Variants in SH2D3C observed in about 807,000 individuals in gnomAD.
SH2D3C encodes SH2 domain-containing protein 3C.
SH2D3C carries 25 observed loss-of-function variants against 75.2 expected under a neutral mutation model. The observed-to-expected ratio is 0.33, with a 90% CI of 0.24 to 0.46. The LOEUF is 0.46. Among genes scored for constraint, SH2D3C ranks in the 20% least tolerant of loss-of-function variants. The pLI, the probability that SH2D3C is intolerant of heterozygous loss-of-function variation, is 1.00. For synonymous variants in SH2D3C, 450 were observed against 473.7 expected (o/e 0.95, Z 0.65); for missense variants, 933 against 1,165.3 (o/e 0.80, Z 2.90).
At chr9:127,760,083 G>A (rs988881277) in intron 3 of SH2D3C, among the ~76,000 whole-genome samples, 1 of 151,786 alleles carries the variant, frequency 6.6e-6, no homozygotes, top group African/African-American at 2.4e-5. Flanking sequence ...TTGAGCCCAT[G>A]AGCTCAAGGC....
chr9:127,744,929 A>C lies in SH2D3C; in HGVS notation c.1435T>G (p.Ser479Ala), dbSNP rs1028428206. The C allele has an allele frequency of 6.9e-6, 11 of 1,595,244 alleles. No individual in the cohort carries two copies. The highest frequency in any genetic ancestry group is 9.4e-6 in the Non-Finnish European group (11 of 1,168,748). ...TAGCTGCTGAGTGATGGTGACGGGG[A>C]GGCCTTGCCAAGGGTGTGGGAGGGG... is the stretch of plus-strand genomic sequence containing the variant. ...TSPSHTLGKA[S>A]PSPSLSSYSD... Residue 479 changes from serine (S) to alanine (A), a missense_variant, in exon 7 of 12, where the codon TCC (serine) becomes GCC (alanine). Transcript: ENST00000314830.
At chr9:127,771,085 C>T in intron 2 of SH2D3C, 1 of 936,656 alleles carries the variant, frequency 1.1e-6, no homozygotes, top group Non-Finnish European at 1.6e-6. Context: ...CTGATGCTAA[C>T]CCCGCCCCCA....
chr9:127,778,657 G>A lies in SH2D3C; in HGVS notation c.-30C>T. The A allele has an allele frequency of 6.2e-7, 1 of 1,604,950 alleles. No individual in the cohort carries two copies. The highest frequency in any genetic ancestry group is 8.5e-7 in the Non-Finnish European group (1 of 1,171,696). On this transcript the variant is annotated 5_prime_UTR_variant, in exon 1 of 12. Coordinates refer to ENST00000314830, the MANE Select transcript of SH2D3C (RefSeq NM_170600.3). Reference sequence around the variant, plus strand: ...GCAAATTGTGTGAAGCCCTTGGCCAGCTTGCGAGTGGCCACTCAAGGCTCG... The same window carrying A: ...GCAAATTGTGTGAAGCCCTTGGCCAACTTGCGAGTGGCCACTCAAGGCTCG...
At chr9:127,764,346 G>T (rs1226199180) in intron 2 of SH2D3C, among the ~76,000 whole-genome samples, 1 of 152,132 alleles carries the variant, frequency 6.6e-6, no homozygotes, top group African/African-American at 2.4e-5. Flanking sequence ...ACAATCCGCT[G>T]CCATCACTTG....
At chr9:127,775,595 C>A (rs1718741821) in intron 1 of SH2D3C, among the ~76,000 whole-genome samples, 1 of 151,776 alleles carries the variant, frequency 6.6e-6, no homozygotes, top group South Asian at 2.1e-4. Flanking sequence ...CCATTGCACT[C>A]CAGCCTGGGT....
chr9:127,749,558 G>A lies in SH2D3C; in HGVS notation c.792C>T (p.His264=), dbSNP rs555692725. 19 of 1,613,218 alleles carry A rather than the reference G, an allele frequency of 1.2e-5. No homozygotes were observed. In the South Asian group the frequency reaches 1.9e-4, roughly 16 times the overall value. The stretch of plus-strand genomic sequence containing the variant: ...TCACCACCACCTTGTTGATCTTGAA[G>A]TGCAAGGCCTGGTTGCGCCAGCGGC... ...LTCRWRNQAL[H]FKINKVVVKA... The change falls in exon 5 of 12, where the codon CAC becomes CAT. Residue 264 remains histidine, a synonymous_variant. Coordinates refer to ENST00000314830, the MANE Select transcript of SH2D3C (RefSeq NM_170600.3). The surrounding 1 kb of genome is among the most constrained non-coding windows in gnomAD (Gnocchi z 5.9).
Position 127,749,802 on chromosome 9 carries a change from A to T in SH2D3C, c.685-137T>A. 1.6e-6 allele frequency: 1 copy of T among 631,204 alleles called. No individual in the cohort carries two copies. The highest frequency in any genetic ancestry group is 2.7e-5 in the East Asian group (1 of 36,594). The allele number at this position is 631,204 out of a possible 1,614,324, so 39.1% of individuals were successfully genotyped here. On this transcript the variant is annotated intron_variant, in intron 4 of 11. Transcript: ENST00000314830. The surrounding 1 kb of genome is among the most constrained non-coding windows in gnomAD (Gnocchi z 5.9). ...GGCATAGAGGACCCAATGAACAGAG[A>T]CATCTGACATCTGAGAGCGGGGATG...
chr9:127,740,335 C>T lies in SH2D3C; in HGVS notation c.2123G>A (p.Arg708Gln), dbSNP rs777586690. ...GATGGCACCCTCTGTGTGTCGCTGC[C>T]GCAGGGTCACCCATGTCTGCTCCAG... ...SRLEQTWVTL[R>Q]QRHTEGAILY... Residue 708 changes from arginine (R) to glutamine (Q), a missense_variant, in exon 10 of 12, where the codon CGG becomes CAG. Arg to Gln is a conservative substitution (Grantham distance 43). Transcript: ENST00000314830. The T allele has an allele frequency of 3.1e-6, 5 of 1,614,006 alleles. No individual in the cohort carries two copies. The highest frequency in any genetic ancestry group is 2.2e-5 in the East Asian group (1 of 44,894).
At chr9:127,767,427 G>C (rs923090923) in intron 2 of SH2D3C, 8 of 483,792 alleles carry the variant, frequency 1.7e-5, no homozygotes, top group Non-Finnish European at 2.2e-5. Context: ...ATGGCCTGAT[G>C]TCTAATTCCC....
rs1015623816 is a variant in SH2D3C at position 127,751,654 on chromosome 9, C to G, written c.556-354G>C. ...ACAGCGCTGGACAGCGGCAAAGAGC[C>G]GGGTGGCTTTTACAAGCGGGATTAA... On this transcript the variant is annotated intron_variant, in intron 3 of 11. Coordinates refer to ENST00000314830, the MANE Select transcript of SH2D3C (RefSeq NM_170600.3). This position sits in a 1 kb window ranked among gnomAD's most constrained non-coding sequence, Gnocchi z 4.1. 1.3e-5 allele frequency among the ~76,000 whole-genome samples: 2 copies of G among 152,280 alleles called. No individual in the cohort carries two copies. Among genetic ancestry groups the G allele is most frequent in the Non-Finnish European group, 2.9e-5 (2 of 68,034 alleles).
intron 2 of SH2D3C, chr9:127,762,285 G>A (rs1233583012): frequency 1.2e-5 from 15 of 1,264,182 alleles, no homozygotes; most frequent in Non-Finnish European, 1.5e-5. Flanking sequence ...CCTTCCTCCT[G>A]AGGGCCACCG....
chr9:127,744,721 T>G lies in SH2D3C; in HGVS notation c.1643A>C (p.Glu548Ala). 6.2e-7 allele frequency: 1 copy of G among 1,614,178 alleles called. No individual in the cohort carries two copies. The highest frequency in any genetic ancestry group is 8.5e-7 in the Non-Finnish European group (1 of 1,180,036). ...WGKTFTVPIV[E>A]VTSSFNPATF... ...GGCCGGGTTGAAGGAAGAAGTGACT[T>G]CCACGATGGGGACTGTGAAGGTCTT... Residue 548 changes from glutamate (E) to alanine (A), a missense_variant, in exon 7 of 12, where the codon GAA (glutamate) becomes GCA (alanine). Coordinates refer to ENST00000314830, the MANE Select transcript of SH2D3C (RefSeq NM_170600.3).
chr9:127,767,034 G>C (rs528153400), intron 2 of SH2D3C: 4 of 1,536,178 alleles, frequency 2.6e-6, no homozygotes, highest in Non-Finnish European at 3.5e-6. Flanking sequence ...ATTCCCTGCC[G>C]GGAAGGCTCT....
At position 127,738,996 on chromosome 9, in the gene SH2D3C, C is replaced by T; in HGVS notation, c.2408-75G>A. The T allele has an allele frequency of 7.3e-7, 1 of 1,362,644 alleles. No homozygotes were observed. The highest frequency in any genetic ancestry group is 9.7e-7 in the Non-Finnish European group (1 of 1,035,226). The allele number at this position is 1,362,644 out of a possible 1,614,324, so 84.4% of individuals were successfully genotyped here. On this transcript the variant is annotated intron_variant, in intron 11 of 11. Coordinates refer to ENST00000314830, the MANE Select transcript of SH2D3C (RefSeq NM_170600.3). The surrounding 1 kb of genome is among the most constrained non-coding windows in gnomAD (Gnocchi z 5.0). The stretch of plus-strand genomic sequence containing the variant: ...GAGCCCTAGCATTCTTCAGGACCCC[C>T]CTGTTAGGGACCTCCCCTCAACTCC...
rs750539451 is a variant in SH2D3C, at chr9:127,754,447, G to A, written c.556-3147C>T. Among the ~76,000 whole-genome samples, 3 of 152,136 alleles carry A rather than the reference G, an allele frequency of 2.0e-5. No individual in the cohort carries two copies. Among genetic ancestry groups the A allele is most frequent in the Non-Finnish European group, 4.4e-5 (3 of 68,020 alleles). On this transcript the variant is annotated intron_variant, in intron 3 of 11. Coordinates refer to ENST00000314830, the MANE Select transcript of SH2D3C (RefSeq NM_170600.3). The surrounding 1 kb of genome is among the most constrained non-coding windows in gnomAD (Gnocchi z 4.4). ...AACCCCAAGCAAAGCCATCCCCAAAGGATGCTCCGCAGAGAGGCGGGGTCC... is the reference window on the plus strand; with the variant it reads ...AACCCCAAGCAAAGCCATCCCCAAAAGATGCTCCGCAGAGAGGCGGGGTCC...
chr9:127,756,092 G>T (rs1020677025), intron 3 of SH2D3C, among the ~76,000 whole-genome samples: 2 of 152,182 alleles, frequency 1.3e-5, no homozygotes, highest in African/African-American at 4.8e-5. Flanking sequence ...TTGAGGCCAG[G>T]AGTTCAAGAC....
Position 127,741,023 on chromosome 9 carries a change from A to T in SH2D3C, c.2089-654T>A, listed in dbSNP as rs751468087. Among the ~76,000 whole-genome samples, 25 of 152,052 alleles carry T rather than the reference A, an allele frequency of 1.6e-4. 1 individual carries two copies. The highest frequency in any genetic ancestry group is 2.6e-4 in the Non-Finnish European group (18 of 68,018). On this transcript the variant is annotated intron_variant, in intron 9 of 11. Transcript: ENST00000314830. The stretch of plus-strand genomic sequence containing the variant: ...ATAGGAGAGGCAGGCTCAGCTCTGA[A>T]GTCAGCCAGACCTGGTTCAAGTCCT...
chr9:127,764,423 C>G (rs1845594242), intron 2 of SH2D3C, among the ~76,000 whole-genome samples: 1 of 152,330 alleles, frequency 6.6e-6, no homozygotes, highest in African/African-American at 2.4e-5. Flanking sequence ...GACCTATTCT[C>G]CCCGCACAGC....
chr9:127,762,157 C>A lies in SH2D3C; in HGVS notation c.516-507G>T, dbSNP rs1033008559. 5 of 1,170,498 alleles carry A rather than the reference C, an allele frequency of 4.3e-6. No homozygotes were observed. The South Asian group carries it at 8.1e-5, about 19-fold the overall frequency. 72.5% of individuals were successfully genotyped at this position (1,170,498 alleles called of 1,614,324 possible). ...TTCCTAGGGTAGAGTGACCCAGTCA[C>A]GGCCACTGCCCAGCTGACTGCGGAG... is the stretch of plus-strand genomic sequence containing the variant. On this transcript the variant is annotated intron_variant, in intron 2 of 11. Transcript: ENST00000314830.
Sources: gnomAD v4.1 joint callset for allele counts (sites outside exome capture counted in the v4.1 genomes callset) on GRCh38, gnomAD v4.1.1 for gene constraint, Gnocchi (gnomAD v3.1) non-coding constraint, MANE v1.5 for transcripts, NCBI Gene and HGNC (gene_info 2026-07-23, HGNC 2026-07-21) for gene names.